GLIS3: variants seen among roughly 807,000 people sequenced by gnomAD.
GLIS3 encodes the protein GLIS family zinc finger 3.
In GLIS3, 53 loss-of-function variants were observed where a neutral mutation model predicts 78.6. The ratio of observed to expected loss-of-function variants is 0.67; its 90% confidence interval spans 0.54 to 0.85. GLIS3 has a LOEUF of 0.85. Ranked by LOEUF, GLIS3 falls within the 40% of genes least tolerant of loss-of-function variation. The pLI is 0.00. For synonymous variants in GLIS3, 684 were observed against 509.9 expected (o/e 1.34, Z -4.60); for missense variants, 1,703 against 1,231.1 (o/e 1.38, Z -5.74).
intron 4 of GLIS3, among the ~76,000 whole-genome samples, chr9:3,979,430 ACACGCTTCGAGCGAAGAC>A (rs1819056663): frequency 6.6e-6 from 1 of 152,220 alleles, no homozygotes; most frequent in Non-Finnish European, 1.5e-5. Context: ...TCTAAATAGC[ACACGCTTCGAGCGAAGAC>A]CACAGCCCGT....
intron 4 of GLIS3, among the ~76,000 whole-genome samples, chr9:3,988,847 T>C (rs1474460495): frequency 6.6e-6 from 1 of 152,124 alleles, no homozygotes; most frequent in Non-Finnish European, 1.5e-5. Flanking sequence ...TGTTAGGATT[T>C]AGAGTTAGGC....
chr9:4,360,235 C>G, the GLIS3 span, among the ~76,000 whole-genome samples: 1 of 152,110 alleles, frequency 6.6e-6, no homozygotes, highest in Non-Finnish European at 1.5e-5. Flanking sequence ...AGTTTAACAT[C>G]AACGCGCTCT....
At chr9:4,467,549 A>G in the GLIS3 span, among the ~76,000 whole-genome samples, 5 of 152,206 alleles carry the variant, frequency 3.3e-5, no homozygotes, top group African/African-American at 1.2e-4. Flanking sequence ...GCAAACTCCA[A>G]AGGATCTGCA....
intron 4 of GLIS3, among the ~76,000 whole-genome samples, chr9:3,996,166 A>G (rs1237537794): frequency 6.6e-6 from 1 of 152,198 alleles, no homozygotes; most frequent in South Asian, 2.1e-4. Flanking sequence ...CAATTTACAC[A>G]TACCTTTCAA....
rs370398867 is a variant in GLIS3 at position 4,230,232 on chromosome 9, C to A, written c.388+55806G>T. ...GTAAGCGTCATCAGCCTTAAAGGCCCGATAAATCTCCACCAACTAAGAAAG... is the reference window on the plus strand; with the variant it reads ...GTAAGCGTCATCAGCCTTAAAGGCCAGATAAATCTCCACCAACTAAGAAAG... On this transcript the variant is annotated intron_variant, in intron 2 of 10. Coordinates refer to ENST00000381971, the MANE Select transcript of GLIS3 (RefSeq NM_001042413.2). Among the ~76,000 whole-genome samples, 82 of 152,170 alleles carry A rather than the reference C, an allele frequency of 5.4e-4. 1 individual carries two copies. The highest frequency in any genetic ancestry group is 1.9e-3 in the African/African-American group (79 of 41,514).
chr9:3,966,928 T>C (rs1588337121), intron 4 of GLIS3, among the ~76,000 whole-genome samples: 1 of 147,694 alleles, frequency 6.8e-6, no homozygotes, highest in South Asian at 2.1e-4. Context: ...TTTTAGAACA[T>C]TCTCATCACC....
chr9:4,380,421 A>T, the GLIS3 span, among the ~76,000 whole-genome samples: 1 of 152,368 alleles, frequency 6.6e-6, no homozygotes, highest in South Asian at 2.1e-4. Flanking sequence ...AAGTCAGGTG[A>T]CAACAGAGTA....
At chr9:4,279,581 T>A (rs1158794401) in intron 2 of GLIS3, among the ~76,000 whole-genome samples, 1 of 151,968 alleles carries the variant, frequency 6.6e-6, no homozygotes, top group East Asian at 1.9e-4. Context: ...CCTGGGAGGC[T>A]GAAAAATTAA....
intron 8 of GLIS3, among the ~76,000 whole-genome samples, chr9:3,872,637 C>A (rs1821038948): frequency 6.6e-6 from 1 of 152,110 alleles, no homozygotes; most frequent in African/African-American, 2.4e-5. Flanking sequence ...TGGGGGAAAC[C>A]ATCCCGATGA....
Position 4,226,649 on chromosome 9 carries a change from G to A in GLIS3, c.388+59389C>T, listed in dbSNP as rs77526403. Among the ~76,000 whole-genome samples the A allele has an allele frequency of 3.6e-4, 55 of 152,286 alleles. No individual in the cohort carries two copies. The East Asian group carries it at 6.6e-3, about 18-fold the overall frequency. On this transcript the variant is annotated intron_variant, in intron 2 of 10. Transcript: ENST00000381971. Reference sequence around the variant, plus strand: ...TTGCTTCAAAGTTTGGAGATAGCAAGGTCTCAAGAGAAAAGCCAAGTCTCC... The same window carrying A: ...TTGCTTCAAAGTTTGGAGATAGCAAAGTCTCAAGAGAAAAGCCAAGTCTCC...
intron 2 of GLIS3, among the ~76,000 whole-genome samples, chr9:4,152,570 T>A (rs1834762535): frequency 6.6e-6 from 1 of 152,292 alleles, no homozygotes; most frequent in Non-Finnish European, 1.5e-5. Context: ...AATTAAATAA[T>A]CTCTCAAATC....
the GLIS3 span, among the ~76,000 whole-genome samples, chr9:4,418,862 A>C: frequency 6.6e-6 from 1 of 152,196 alleles, no homozygotes; most frequent in African/African-American, 2.4e-5. Flanking sequence ...TAGGAGGAGC[A>C]ATGTGAGCCA....
chr9:3,999,169 T>G (rs998647589), intron 4 of GLIS3, among the ~76,000 whole-genome samples: 1 of 152,204 alleles, frequency 6.6e-6, no homozygotes, highest in Admixed American at 6.5e-5. Flanking sequence ...CCATGGTAAT[T>G]GAACCAATCT....
the GLIS3 span, among the ~76,000 whole-genome samples, chr9:4,435,675 C>T: frequency 1.1e-3 from 165 of 152,306 alleles, 1 homozygote; most frequent in Middle Eastern, 0.01. Flanking sequence ...CTAGGCCAGG[C>T]GCGGTGGCTC....
intron 2 of GLIS3, among the ~76,000 whole-genome samples, chr9:4,275,278 G>A (rs1420019477): frequency 6.6e-6 from 1 of 152,176 alleles, no homozygotes; most frequent in Admixed American, 6.5e-5. Flanking sequence ...AAAGGAGTAA[G>A]TGCCCATTTC....
intron 4 of GLIS3, among the ~76,000 whole-genome samples, chr9:4,031,287 A>G (rs1823811573): frequency 6.6e-6 from 1 of 152,196 alleles, no homozygotes; most frequent in Non-Finnish European, 1.5e-5. Flanking sequence ...TGTACATGCA[A>G]TGGAATATTA....
intron 6 of GLIS3, among the ~76,000 whole-genome samples, chr9:3,922,556 A>AT (rs1249804439): frequency 2.6e-5 from 4 of 152,204 alleles, no homozygotes; most frequent in African/African-American, 9.6e-5. Context: ...GCTTATTTAT[A>AT]TTTTTTCTAC....
intron 2 of GLIS3, among the ~76,000 whole-genome samples, chr9:4,223,135 C>T (rs1310217187): frequency 6.6e-6 from 1 of 152,122 alleles, no homozygotes; most frequent in Non-Finnish European, 1.5e-5. Context: ...TAATCTGGTC[C>T]AAATTTTTCA....
At chr9:4,386,834 C>G in the GLIS3 span, among the ~76,000 whole-genome samples, 1 of 152,174 alleles carries the variant, frequency 6.6e-6, no homozygotes, top group African/African-American at 2.4e-5. Context: ...TATTTTCCTG[C>G]TTCATCTCCC....
Sources: allele counts gnomAD v4.1 joint callset (sites outside exome capture counted in the v4.1 genomes callset), GRCh38; gene constraint gnomAD v4.1.1; transcripts MANE v1.5; gene names NCBI Gene and HGNC (gene_info 2026-07-23, HGNC 2026-07-21).